MAPK8: variants seen among roughly 807,000 people sequenced by gnomAD.
MAPK8 encodes the protein mitogen-activated protein kinase 8.
In MAPK8, 13 loss-of-function variants were observed where a neutral mutation model predicts 52.9. That is an observed-to-expected ratio of 0.25 (90% confidence interval 0.16 to 0.39). MAPK8 has a LOEUF of 0.39. Among genes scored for constraint, MAPK8 ranks in the 10% least tolerant of loss-of-function variants. The probability of loss-of-function intolerance (pLI) is 1.00; values close to 1 mark genes in which losing one functional copy is unlikely to be tolerated. For synonymous variants in MAPK8, 191 were observed against 169.8 expected (o/e 1.12, Z -0.97); for missense variants, 300 against 519.2 (o/e 0.58, Z 4.10).
intron 1 of MAPK8, among the ~76,000 whole-genome samples, chr10:48,369,475 A>G (rs1290288495): frequency 6.6e-6 from 1 of 152,176 alleles, no homozygotes; most frequent in African/African-American, 2.4e-5. Flanking sequence ...AGAGTTTGAG[A>G]TAGCCTCAAG....
chr10:48,380,799 T>G (rs984690934), intron 1 of MAPK8, among the ~76,000 whole-genome samples: 1 of 152,142 alleles, frequency 6.6e-6, no homozygotes, highest in African/African-American at 2.4e-5. Context: ...AAATGCTCAG[T>G]GTTAAAATAG....
intron 1 of MAPK8, among the ~76,000 whole-genome samples, chr10:48,314,914 C>T (rs964278410): frequency 3.3e-5 from 5 of 152,096 alleles, no homozygotes; most frequent in African/African-American, 4.8e-5. Context: ...ACCAGATATC[C>T]ATCCATTTGT....
At chr10:48,380,627 G>A (rs1306430865) in intron 1 of MAPK8, among the ~76,000 whole-genome samples, 1 of 152,176 alleles carries the variant, frequency 6.6e-6, no homozygotes, top group Non-Finnish European at 1.5e-5. Context: ...GAGCTACTTG[G>A]GAGGCTGAGG....
chr10:48,391,259 C>T (rs2041606659), intron 1 of MAPK8, among the ~76,000 whole-genome samples: 1 of 152,150 alleles, frequency 6.6e-6, no homozygotes, highest in Admixed American at 6.5e-5. Flanking sequence ...TTCTTTTGAG[C>T]CTCAGATTAT....
intron 1 of MAPK8, among the ~76,000 whole-genome samples, chr10:48,382,884 A>G (rs987257072): frequency 6.9e-6 from 1 of 145,036 alleles, no homozygotes; most frequent in Non-Finnish European, 1.5e-5. Context: ...CAGGCTAGCT[A>G]TGTGTATATA....
intron 3 of MAPK8, among the ~76,000 whole-genome samples, chr10:48,408,210 TA>T (rs2042569806): frequency 6.6e-6 from 1 of 152,176 alleles, no homozygotes; most frequent in Admixed American, 6.5e-5. Flanking sequence ...TACTAGGCAG[TA>T]AAAGTGATTA....
At position 48,435,038 on chromosome 10, in the gene MAPK8, G is replaced by T. The variant is rs2044742384; in HGVS notation, c.*9G>T. ...TGGGCTGCTGTAGATGACTACTTGG[G>T]CCATCGGGGGGTGGGAGGGATGGGG... On this transcript the variant is annotated 3_prime_UTR_variant, in exon 12 of 12. Coordinates refer to ENST00000374189, the MANE Select transcript of MAPK8 (RefSeq NM_001323329.2). 27 of 560,202 alleles carry T rather than the reference G, an allele frequency of 4.8e-5. No individual in the cohort carries two copies. The highest frequency in any genetic ancestry group is 7.9e-5 in the Non-Finnish European group (26 of 330,306). The allele number at this position is 560,202 out of a possible 1,614,324, so 34.7% of individuals were successfully genotyped here. A position where few individuals can be genotyped will look rare whatever the true frequency, so the allele number is the denominator to read the frequency against.
intron 1 of MAPK8, among the ~76,000 whole-genome samples, chr10:48,396,400 T>C (rs975633101): frequency 3.9e-5 from 6 of 152,156 alleles, no homozygotes; most frequent in African/African-American, 1.4e-4. Flanking sequence ...TGATGAGATA[T>C]GACACACGTA....
intron 11 of MAPK8, 156 bp from the exon 12 acceptor site, chr10:48,434,728 T>G: frequency 2.0e-6 from 1 of 504,400 alleles, no homozygotes; most frequent in Non-Finnish European, 3.4e-6. Flanking sequence ...GAAGAGTGTT[T>G]TTAAGTTAGT....
chr10:48,370,249 A>G (rs781122765), intron 1 of MAPK8, among the ~76,000 whole-genome samples: 1 of 152,186 alleles, frequency 6.6e-6, no homozygotes, highest in Non-Finnish European at 1.5e-5. Flanking sequence ...AAATAAGGTA[A>G]AGTCGAAGAC....
At chr10:48,365,167 C>G (rs1013668047) in intron 1 of MAPK8, among the ~76,000 whole-genome samples, 6 of 152,088 alleles carry the variant, frequency 3.9e-5, no homozygotes, top group Admixed American at 2.0e-4. Flanking sequence ...AGAGTCCTTG[C>G]AGCTAAGCCG....
intron 1 of MAPK8, among the ~76,000 whole-genome samples, chr10:48,378,353 T>A (rs759411325): frequency 1.3e-5 from 2 of 152,184 alleles, no homozygotes; most frequent in African/African-American, 2.4e-5. Context: ...GCTTGTTGAA[T>A]CATCCCTAGT....
At chr10:48,385,417 A>G (rs1415861983) in intron 1 of MAPK8, among the ~76,000 whole-genome samples, 1 of 152,196 alleles carries the variant, frequency 6.6e-6, no homozygotes, top group Admixed American at 6.5e-5. Flanking sequence ...GTTATGTTTA[A>G]ATTGCCTTCA....
chr10:48,419,111 A>G (rs573017417), intron 5 of MAPK8, among the ~76,000 whole-genome samples: 2 of 152,318 alleles, frequency 1.3e-5, no homozygotes, highest in Admixed American at 6.5e-5. Context: ...TTAATTTCAT[A>G]AAACCACTAG....
At chr10:48,392,265 C>G (rs953432575) in intron 1 of MAPK8, among the ~76,000 whole-genome samples, 5 of 152,112 alleles carry the variant, frequency 3.3e-5, no homozygotes, top group Admixed American at 3.3e-4. Context: ...GAAGATTAGA[C>G]TCTTGCCTTG....
chr10:48,349,330 A>G (rs928929478), intron 1 of MAPK8, among the ~76,000 whole-genome samples: 5 of 152,200 alleles, frequency 3.3e-5, no homozygotes, highest in Admixed American at 6.5e-5. Context: ...CACTCTTCTC[A>G]GCACCACATC....
At chr10:48,409,652 C>A (rs1195821487) in intron 3 of MAPK8, among the ~76,000 whole-genome samples, 2 of 152,188 alleles carry the variant, frequency 1.3e-5, no homozygotes, top group African/African-American at 4.8e-5. Context: ...AATGGAATTA[C>A]AGATAAATGG....
At chr10:48,350,682 A>C (rs1846228764) in intron 1 of MAPK8, among the ~76,000 whole-genome samples, 1 of 152,230 alleles carries the variant, frequency 6.6e-6, no homozygotes, top group South Asian at 2.1e-4. Flanking sequence ...CAAAAGCTAG[A>C]AGCATTCCCT....
chr10:48,363,321 C>A (rs1230190881), intron 1 of MAPK8, among the ~76,000 whole-genome samples: 1 of 152,178 alleles, frequency 6.6e-6, no homozygotes, highest in African/African-American at 2.4e-5. Context: ...CATAGAAATT[C>A]ATTTATCTAT....
Sources: allele counts gnomAD v4.1 joint callset (sites outside exome capture counted in the v4.1 genomes callset), GRCh38; gene constraint gnomAD v4.1.1; transcripts MANE v1.5; gene names NCBI Gene and HGNC (gene_info 2026-07-23, HGNC 2026-07-21).